SHISA9: variants seen among roughly 807,000 people sequenced by gnomAD.
SHISA9 encodes the protein protein shisa-9.
Under a neutral mutation model 38.0 loss-of-function variants are expected in SHISA9, and 13 were observed. That is an observed-to-expected ratio of 0.34 (90% CI 0.22 to 0.54). The LOEUF is 0.54. Among genes scored for constraint, SHISA9 ranks in the 20% least tolerant of loss-of-function variants. The probability of loss-of-function intolerance (pLI) is 0.91; values close to 1 mark genes in which losing one functional copy is unlikely to be tolerated. For synonymous variants in SHISA9, 275 were observed against 242.0 expected (o/e 1.14, Z -1.27); for missense variants, 538 against 575.8 (o/e 0.93, Z 0.67).
At chr16:13,303,459 A>C in the SHISA9 span, among the ~76,000 whole-genome samples, 6 of 152,360 alleles carry the variant, frequency 3.9e-5, no homozygotes, top group African/African-American at 1.4e-4. Flanking sequence ...TGAAAACACT[A>C]TACGAAAATA....
the SHISA9 span, among the ~76,000 whole-genome samples, chr16:13,278,802 C>G: frequency 3.3e-5 from 5 of 151,836 alleles, no homozygotes; most frequent in African/African-American, 9.7e-5. Flanking sequence ...TGGATTTTTT[C>G]TCTTCTTTTC....
chr16:13,343,368 T>A, the SHISA9 span, among the ~76,000 whole-genome samples: 8 of 152,160 alleles, frequency 5.3e-5, no homozygotes, highest in African/African-American at 1.9e-4. Flanking sequence ...TTTTACATTT[T>A]CCCACTTTTT....
intron 2 of SHISA9, among the ~76,000 whole-genome samples, chr16:12,935,172 C>T (rs2071512940): frequency 6.6e-6 from 1 of 152,144 alleles, no homozygotes; most frequent in African/African-American, 2.4e-5. Context: ...ATAGGAAAGT[C>T]TCCACCATAA....
At chr16:13,172,343 G>T (rs2050693631) in intron 2 of SHISA9, among the ~76,000 whole-genome samples, 1 of 152,208 alleles carries the variant, frequency 6.6e-6, no homozygotes, top group South Asian at 2.1e-4. Flanking sequence ...AGTCCAAAGT[G>T]CACAAGAAGT....
At chr16:13,298,218 C>G in the SHISA9 span, among the ~76,000 whole-genome samples, 28 of 152,110 alleles carry the variant, frequency 1.8e-4, no homozygotes, top group Admixed American at 2.6e-4. Context: ...GGTCTTAATT[C>G]TGATTTTCAG....
In SHISA9 at chr16:13,203,483, T is replaced by G. The variant is rs1187425897; in HGVS notation, c.781T>G (p.Ser261Ala). 1 of 1,551,140 alleles carries G rather than the reference T, an allele frequency of 6.4e-7. No homozygotes were observed. The highest frequency in any genetic ancestry group is 1.4e-5 in the African/African-American group (1 of 73,120). The change falls in exon 3 of 5, where the codon TCC (serine) becomes GCC (alanine). Residue 261 changes from serine (S) to alanine (A), a missense_variant. By Grantham distance (99) the Ser-to-Ala change is moderately conservative (BLOSUM62 1). Around this residue, in one of 4 missense-constraint regions of SHISA9, gnomAD observed 326 missense variants for 305.9 expected, o/e 1.07. Transcript: ENST00000558583. ...TTCGTACCCGAACCTGGGCCAGATC[T>G]CCAACCCCTATGAACAGCAGCCACC... ...PHSYPNLGQI[S>A]NPYEQQPPGK...
intron 2 of SHISA9, among the ~76,000 whole-genome samples, chr16:13,174,833 C>T (rs2050717674): frequency 6.6e-6 from 1 of 152,170 alleles, no homozygotes; most frequent in Admixed American, 6.5e-5. Context: ...GGATCCAAGG[C>T]AGCTCTGAGA....
the SHISA9 span, among the ~76,000 whole-genome samples, chr16:13,522,656 C>G: frequency 6.6e-6 from 1 of 152,158 alleles, no homozygotes; most frequent in Non-Finnish European, 1.5e-5. Flanking sequence ...CCATATTAAC[C>G]TGGTCTAGGC....
At chr16:13,028,625 G>A (rs2072954411) in intron 2 of SHISA9, among the ~76,000 whole-genome samples, 2 of 152,164 alleles carry the variant, frequency 1.3e-5, no homozygotes, top group East Asian at 1.9e-4. Flanking sequence ...CAACATTTGG[G>A]AATTATGGGA....
At chr16:13,198,483 G>T (rs1216304240) in intron 2 of SHISA9, among the ~76,000 whole-genome samples, 1 of 152,120 alleles carries the variant, frequency 6.6e-6, no homozygotes, top group African/African-American at 2.4e-5. Flanking sequence ...GGCAGGATTT[G>T]CAGATTATAA....
the SHISA9 span, among the ~76,000 whole-genome samples, chr16:13,291,786 G>T: frequency 6.6e-6 from 1 of 152,084 alleles, no homozygotes; most frequent in Non-Finnish European, 1.5e-5. Context: ...ATAAGATGGA[G>T]CCAGAAATAA....
chr16:13,340,519 A>G, the SHISA9 span, among the ~76,000 whole-genome samples: 1 of 152,210 alleles, frequency 6.6e-6, no homozygotes, highest in Non-Finnish European at 1.5e-5. Context: ...CAGGGTAGAC[A>G]CATGATCAAA....
At chr16:13,536,712 T>G in the SHISA9 span, among the ~76,000 whole-genome samples, 3 of 152,226 alleles carry the variant, frequency 2.0e-5, no homozygotes, top group Non-Finnish European at 4.4e-5. Context: ...ACCATGTGCA[T>G]GTACAAGGCA....
At chr16:13,013,529 C>A (rs1307155015) in intron 2 of SHISA9, among the ~76,000 whole-genome samples, 2 of 152,096 alleles carry the variant, frequency 1.3e-5, no homozygotes, top group African/African-American at 2.4e-5. Flanking sequence ...TTGCTCAGCC[C>A]ATGCCCCAGA....
At chr16:13,431,518 A>G in the SHISA9 span, among the ~76,000 whole-genome samples, 1 of 152,242 alleles carries the variant, frequency 6.6e-6, no homozygotes, top group Non-Finnish European at 1.5e-5. Context: ...AACAGCTTGA[A>G]GCAAGAAAGG....
At chr16:13,316,065 A>G in the SHISA9 span, among the ~76,000 whole-genome samples, 1 of 151,932 alleles carries the variant, frequency 6.6e-6, no homozygotes, top group East Asian at 1.9e-4. Flanking sequence ...TACCCAAGCT[A>G]AAGATGAAGG....
rs1306245708 is a variant in SHISA9 at position 13,236,111 on chromosome 16, C to G, written c.*702C>G. The G allele has an allele frequency of 6.6e-6, 1 of 151,998 alleles. No individual in the cohort carries two copies. The highest frequency in any genetic ancestry group is 1.5e-5 in the Non-Finnish European group (1 of 68,062). The allele number at this position is 151,998 out of a possible 1,614,324, so 9.4% of individuals were successfully genotyped here. ...CACAGAAAGTAAATAGACCCTGAAC[C>G]CACCGACAATGATGGGAAGGAAAAA... On this transcript the variant is annotated 3_prime_UTR_variant, in exon 5 of 5. Coordinates refer to ENST00000558583, the MANE Select transcript of SHISA9 (RefSeq NM_001145204.3).
At chr16:12,969,493 C>T (rs1352968398) in intron 2 of SHISA9, among the ~76,000 whole-genome samples, 1 of 152,016 alleles carries the variant, frequency 6.6e-6, no homozygotes, top group African/African-American at 2.4e-5. Context: ...CCTGTAATCC[C>T]AGGACTTTGA....
Position 13,150,005 on chromosome 16 carries a change from C to T in SHISA9, c.692-53389C>T, listed in dbSNP as rs112629677. ...CAGTGCCCAGTATATAGGAAATGCT[C>T]AATGGTCATTATCATCCTCATCATT... On this transcript the variant is annotated intron_variant, in intron 2 of 4. Transcript: ENST00000558583. Among the ~76,000 whole-genome samples the T allele has an allele frequency of 6.6e-3, 777 of 117,334 alleles. 13 individuals are homozygous for T. The highest frequency in any genetic ancestry group is 0.023 in the African/African-American group (729 of 32,100). The allele number at this position is 117,334 out of a possible 152,430, so 77.0% of individuals were successfully genotyped here.
Sources: gnomAD v4.1 joint callset for allele counts (sites outside exome capture counted in the v4.1 genomes callset) on GRCh38, gnomAD v4.1.1 for gene constraint, gnomAD v4.1.1 regional missense constraint, MANE v1.5 for transcripts, NCBI Gene and HGNC (gene_info 2026-07-23, HGNC 2026-07-21) for gene names.